The following TRAPPC3L variants were observed in gnomAD, a reference collection of about 807,000 sequenced individuals.
The protein encoded by TRAPPC3L is trafficking protein particle complex subunit 3L.
A neutral mutation model predicts 23.7 loss-of-function variants in TRAPPC3L; 23 were observed. That is an observed-to-expected ratio of 0.97 (90% CI 0.70 to 1.37). TRAPPC3L has a LOEUF of 1.37. Ranked by LOEUF, TRAPPC3L falls within the 40% of genes most tolerant of loss-of-function variation. TRAPPC3L has a pLI of 0.00. For missense variants in TRAPPC3L, 212 were observed against 216.8 expected, an observed-to-expected ratio of 0.98 and a Z score of 0.14; for synonymous variants, 81 against 77.9, an observed-to-expected ratio of 1.04 and a Z score of -0.21.
rs1175023755 is a variant in TRAPPC3L, at chr6:116,496,637, T to G, written c.*317A>C. 8.9e-6 allele frequency: 2 copies of G among 224,098 alleles called. No homozygotes were observed. The highest frequency in any genetic ancestry group is 1.5e-3 in the Middle Eastern group (1 of 688). The allele number at this position is 224,098 out of a possible 1,614,324, so 13.9% of individuals were successfully genotyped here. A position where few individuals can be genotyped will look rare whatever the true frequency, so the allele number is the denominator to read the frequency against. ...CAACTGTTTGTATTTGTGCTGCTTT[T>G]TTTTCCCATTACCATACGTGAATGG... On this transcript the variant is annotated 3_prime_UTR_variant, in exon 5 of 5. Transcript: ENST00000368602.
chr6:116,521,897 C>A (rs946308922), intron 3 of TRAPPC3L: 1 of 152,062 alleles, frequency 6.6e-6, no homozygotes, highest in African/African-American at 2.4e-5. Context: ...ACAGTTTATG[C>A]CTTGGTCTCT....
rs896734630 is a variant in TRAPPC3L, at chr6:116,495,223, CT to C, written c.*1730del. The C allele has an allele frequency of 6.6e-6, 1 of 151,672 alleles. No individual in the cohort carries two copies. The highest frequency in any genetic ancestry group is 1.5e-5 in the Non-Finnish European group (1 of 67,946). 9.4% of individuals were successfully genotyped at this position (151,672 alleles called of 1,614,324 possible). A position where few individuals can be genotyped will look rare whatever the true frequency, so the allele number is the denominator to read the frequency against. On this transcript the variant is annotated 3_prime_UTR_variant, in exon 5 of 5. Transcript: ENST00000368602. ...TTTACTCCATATCTCCATGAGTCCA[CT>C]GTTTTAATTTTTAGCTCCTACAAAT...
chr6:116,513,773 G>A (rs1772170503), intron 3 of TRAPPC3L, among the ~76,000 whole-genome samples: 1 of 152,176 alleles, frequency 6.6e-6, no homozygotes, highest in Non-Finnish European at 1.5e-5. Context: ...ATCCATGGGT[G>A]GGGCAGATAA....
intron 3 of TRAPPC3L, chr6:116,515,643 T>C (rs755717802): frequency 1.2e-6 from 2 of 1,613,902 alleles, no homozygotes; most frequent in Admixed American, 1.7e-5. Flanking sequence ...TTCTTCTCTC[T>C]GCTCACCACA....
At chr6:116,516,042 C>A (rs559390699) in intron 3 of TRAPPC3L, 2 of 1,518,194 alleles carry the variant, frequency 1.3e-6, no homozygotes, top group Admixed American at 4.2e-5. Context: ...ATTCTGTGAT[C>A]CTCCTAACGT....
chr6:116,505,176 C>G (rs1158379853), intron 3 of TRAPPC3L, among the ~76,000 whole-genome samples: 2 of 152,140 alleles, frequency 1.3e-5, no homozygotes, highest in Non-Finnish European at 2.9e-5. Context: ...AAAGTCTCAG[C>G]ATACAAAATC....
intron 3 of TRAPPC3L, chr6:116,511,815 AG>A (rs1562339017): frequency 1.2e-6 from 2 of 1,614,030 alleles, no homozygotes; most frequent in Non-Finnish European, 1.7e-6. Flanking sequence ...GTGGCTTTTA[AG>A]TGCCCCTGCA....
rs181678526 is a variant in TRAPPC3L at position 116,539,319 on chromosome 6, C to A, written c.240+1044G>T. On this transcript the variant is annotated intron_variant, in intron 3 of 4. Transcript: ENST00000368602. ...CCAGCCTGGTTAGTGGTATGATAAA[C>A]TCATTGTGCTAAGGTTGGAAGATAC... Among the ~76,000 whole-genome samples, 650 of 152,232 alleles carry A rather than the reference C, an allele frequency of 4.3e-3. 2 individuals carry two copies. The highest frequency in any genetic ancestry group is 5.2e-3 in the Non-Finnish European group (353 of 68,010).
At chr6:116,518,194 G>A (rs1224360215) in intron 3 of TRAPPC3L, 1 of 152,150 alleles carries the variant, frequency 6.6e-6, no homozygotes, top group Non-Finnish European at 1.5e-5. Flanking sequence ...AGTAACTTTG[G>A]AACCTACTGC....
rs150964935 is a variant in TRAPPC3L at position 116,500,671 on chromosome 6, T to C, written c.241-5A>G. On this transcript the variant is annotated splice_region_variant and splice_polypyrimidine_tract_variant and intron_variant, in intron 3 of 4. Coordinates refer to ENST00000368602, the MANE Select transcript of TRAPPC3L (RefSeq NM_001139444.3). Reference sequence around the variant, plus strand: ...CAGGTACATCTTGAAAGCAACCTGATAAGAAAAAAACAAAATTACTAAAAC... The same window carrying C: ...CAGGTACATCTTGAAAGCAACCTGACAAGAAAAAAACAAAATTACTAAAAC... 1,384 of 1,549,924 alleles carry C rather than the reference T, an allele frequency of 8.9e-4. 14 individuals are homozygous for C. In the African/African-American group the frequency reaches 0.017, roughly 19 times the overall value.
chr6:116,542,926 T>C (rs184391034), intron 2 of TRAPPC3L, among the ~76,000 whole-genome samples: 4 of 152,232 alleles, frequency 2.6e-5, no homozygotes, highest in African/African-American at 9.6e-5. Flanking sequence ...CATATATTTA[T>C]ATTGGAAGCA....
chr6:116,540,650 A>G (rs1056621267), intron 2 of TRAPPC3L, among the ~76,000 whole-genome samples, 188 bp from the exon 3 acceptor site: 4 of 152,122 alleles, frequency 2.6e-5, no homozygotes, highest in Non-Finnish European at 4.4e-5. Flanking sequence ...GCAGAGAGCA[A>G]CACACTGAGG....
In TRAPPC3L at chr6:116,500,513, G is replaced by T; in HGVS notation, c.394C>A (p.Leu132Ile). Residue 132 changes from leucine to isoleucine, a missense_variant, in exon 4 of 5, where the codon CTC (leucine) becomes ATC (isoleucine). Physicochemically the swap from Leu to Ile is conservative, Grantham distance 5. Coordinates refer to ENST00000368602, the MANE Select transcript of TRAPPC3L (RefSeq NM_001139444.3). ...AAGGCACCTCTGATAATCCCACAGA[G>T]CAAGTTGCAGTAGCACAGAGAAGAT... ...GRSSLCYCNLLCGIIRGALEM... is the reference protein window; with the variant it reads ...GRSSLCYCNLICGIIRGALEM... 1 of 1,551,446 alleles carries T rather than the reference G, an allele frequency of 6.4e-7. No homozygotes were observed. The highest frequency in any genetic ancestry group is 1.2e-5 in the South Asian group (1 of 84,054).
At chr6:116,530,118 G>T (rs1186808091) in intron 3 of TRAPPC3L, among the ~76,000 whole-genome samples, 1 of 151,758 alleles carries the variant, frequency 6.6e-6, no homozygotes, top group Non-Finnish European at 1.5e-5. Context: ...AGAAGTATTT[G>T]TTTTTAAGAT....
chr6:116,499,572 C>A (rs12526587), intron 4 of TRAPPC3L, among the ~76,000 whole-genome samples: 10,916 of 152,232 alleles, frequency 0.072, 461 homozygotes, highest in Admixed American at 0.14. Context: ...TTTCTCATGA[C>A]AATCTGTCTC....
rs1256247008 is a variant in TRAPPC3L at position 116,500,480 on chromosome 6, C to A, written c.426+1G>T. On this transcript the variant is annotated splice_donor_variant, in intron 4 of 4. Transcript: ENST00000368602. LOFTEE classifies it high-confidence loss of function. ...TTCATTCTTCACTTATTCAACTTTA[C>A]CATTTCCAAGGCACCTCTGATAATC... 1 of 1,545,946 alleles carries A rather than the reference C, an allele frequency of 6.5e-7. No individual in the cohort carries two copies. The highest frequency in any genetic ancestry group is 8.7e-7 in the Non-Finnish European group (1 of 1,144,520).
intron 1 of TRAPPC3L, 38 bp downstream of exon 1, chr6:116,545,435 T>A: frequency 6.6e-7 from 1 of 1,512,380 alleles, no homozygotes; most frequent in South Asian, 1.3e-5. Flanking sequence ...AAACATTTTC[T>A]CTGAAGTAGA....
At chr6:116,545,122 C>CATAT (rs1396395691) in intron 1 of TRAPPC3L, among the ~76,000 whole-genome samples, 175 of 150,198 alleles carry the variant, frequency 1.2e-3, no homozygotes, top group African/African-American at 4.1e-3. Context: ...TATATACATA[C>CATAT]ATACATATAT....
chr6:116,531,850 A>G (rs1304058965), intron 3 of TRAPPC3L, among the ~76,000 whole-genome samples: 1 of 149,884 alleles, frequency 6.7e-6, no homozygotes, highest in Non-Finnish European at 1.5e-5. Context: ...TAAATATACA[A>G]TTTAATATAA....
Sources: gnomAD v4.1 joint callset for allele counts (sites outside exome capture counted in the v4.1 genomes callset) on GRCh38, gnomAD v4.1.1 for gene constraint, MANE v1.5 for transcripts, NCBI Gene and HGNC (gene_info 2026-07-23, HGNC 2026-07-21) for gene names.